Variants in CLN6 observed in about 807,000 individuals in gnomAD.
The protein encoded by CLN6 is ceroid-lipofuscinosis neuronal protein 6.
Under a neutral mutation model 33.3 loss-of-function variants are expected in CLN6, and 22 were observed. That is an observed-to-expected ratio of 0.66 (90% CI 0.47 to 0.94). The LOEUF is 0.94. CLN6 is among the 40% of genes least tolerant of loss of function. CLN6 has a pLI of 0.00. For synonymous variants in CLN6, 201 were observed against 174.6 expected, an observed-to-expected ratio of 1.15 and a Z score of -1.19; for missense variants, 387 against 417.1, an observed-to-expected ratio of 0.93 and a Z score of 0.63.
At chr15:68,216,690 A>G (rs531681007) in intron 2 of CLN6, among the ~76,000 whole-genome samples, 26 of 152,334 alleles carry the variant, frequency 1.7e-4, no homozygotes, top group Admixed American at 1.5e-3. Context: ...AAACTGATTT[A>G]CCCAGTCCCT....
At chr15:68,214,531 C>A in intron 2 of CLN6, 143 bp from the exon 3 acceptor site, 1 of 671,410 alleles carries the variant, frequency 1.5e-6, no homozygotes. Context: ...TTCCTGTGAT[C>A]GCTGGACCTT....
Position 68,255,752 on chromosome 15 carries a change from G to T in CLN6, c.179+938C>A, listed in dbSNP as rs1047127980. Among the ~76,000 whole-genome samples the T allele has an allele frequency of 1.8e-4, 27 of 152,298 alleles. 1 individual carries two copies. Among genetic ancestry groups the T allele is most frequent in the East Asian group, 1.2e-3 (6 of 5,192 alleles). On this transcript the variant is annotated intron_variant, in intron 1 of 6. Transcript: ENST00000538696. ...AGAAACAATATTTTGTATATGTTTG[G>T]TTAAATGAAATACTTCAATTCATTT...
intron 1 of CLN6, among the ~76,000 whole-genome samples, chr15:68,252,186 C>T (rs934779708): frequency 2.6e-5 from 4 of 152,016 alleles, no homozygotes; most frequent in Admixed American, 2.0e-4. Context: ...GTTGGTCTGG[C>T]TCGTTTTGAA....
chr15:68,224,458 C>A (rs1665994743), intron 1 of CLN6, among the ~76,000 whole-genome samples: 1 of 151,222 alleles, frequency 6.6e-6, no homozygotes, highest in Admixed American at 6.6e-5. Flanking sequence ...TCCGTCTCTA[C>A]TAAAAATACA....
intron 1 of CLN6, among the ~76,000 whole-genome samples, chr15:68,224,847 A>G (rs928258999): frequency 3.3e-5 from 5 of 152,162 alleles, no homozygotes; most frequent in Admixed American, 6.5e-5. Flanking sequence ...ATGCTGCTGA[A>G]AACAATGGTG....
chr15:68,235,804 T>C (rs1477198760), intron 1 of CLN6, among the ~76,000 whole-genome samples: 3 of 152,092 alleles, frequency 2.0e-5, no homozygotes, highest in African/African-American at 7.2e-5. Flanking sequence ...AACCCAATTA[T>C]TCATTCAACA....
chr15:68,229,641 G>T lies in CLN6; in HGVS notation c.-57C>A. ...TCCGAGGAAGAGACCGGTTCAGCTCGGCTGCCCCGGCGGAGGCCGCCGCAA... is the reference window on the plus strand; with the variant it reads ...TCCGAGGAAGAGACCGGTTCAGCTCTGCTGCCCCGGCGGAGGCCGCCGCAA... On this transcript the variant is annotated 5_prime_UTR_variant, in exon 1 of 7. Coordinates refer to ENST00000249806, the MANE Select transcript of CLN6 (RefSeq NM_017882.3). 7.4e-7 allele frequency: 1 copy of T among 1,345,184 alleles called. No homozygotes were observed. Among genetic ancestry groups the T allele is most frequent in the Non-Finnish European group, 9.7e-7 (1 of 1,031,092 alleles). The allele number at this position is 1,345,184 out of a possible 1,614,324, so 83.3% of individuals were successfully genotyped here.
chr15:68,255,072 A>T (rs1458414262), intron 1 of CLN6: 9 of 579,126 alleles, frequency 1.6e-5, no homozygotes, highest in African/African-American at 1.3e-4. Flanking sequence ...GGCATATGTC[A>T]CTAACAGAAT....
upstream of CLN6, among the ~76,000 whole-genome samples, chr15:68,233,218 T>C (rs1362934999): frequency 1.4e-5 from 2 of 148,002 alleles, no homozygotes; most frequent in Non-Finnish European, 3.0e-5. The surrounding 1 kb of genome is among the most constrained non-coding windows in gnomAD (Gnocchi z 4.3). Flanking sequence ...AGTGTTAGCA[T>C]ACATGCTGCC....
rs1295764227 is a variant in CLN6, at chr15:68,211,064, T to C, written c.542+199A>G. On this transcript the variant is annotated intron_variant, in intron 5 of 6. Transcript: ENST00000249806. The surrounding 1 kb of genome is among the most constrained non-coding windows in gnomAD (Gnocchi z 5.9). The stretch of plus-strand genomic sequence containing the variant: ...TGGCTGGAAGCCGGGGCCTGGAGCC[T>C]GGGACAGCAGCTGGGTCTCCCGGGC... 6.6e-6 allele frequency among the ~76,000 whole-genome samples: 1 copy of C among 152,158 alleles called. No homozygotes were observed. Among genetic ancestry groups the C allele is most frequent in the Non-Finnish European group, 1.5e-5 (1 of 68,000 alleles).
At chr15:68,234,680 T>C (rs958467282), upstream of CLN6, among the ~76,000 whole-genome samples, 4 of 152,284 alleles carry the variant, frequency 2.6e-5, no homozygotes, top group African/African-American at 9.6e-5. The surrounding 1 kb of genome is among the most constrained non-coding windows in gnomAD (Gnocchi z 4.1). Context: ...CCTCCACTCT[T>C]TTCCTTATCA....
chr15:68,215,726 G>A (rs1436147832), intron 2 of CLN6: 1 of 152,146 alleles, frequency 6.6e-6, no homozygotes, highest in African/African-American at 2.4e-5. Context: ...CCAAAGTGCT[G>A]GAATTACATG....
chr15:68,254,567 C>A (rs1892412902), intron 1 of CLN6: 2 of 508,490 alleles, frequency 3.9e-6, no homozygotes, highest in Admixed American at 6.5e-5. Flanking sequence ...GAGGTGAGAA[C>A]GACCCCAGGA....
rs146011372 is a variant in CLN6, at chr15:68,240,758, C to T, written c.179+15932G>A. On this transcript the variant is annotated intron_variant, in intron 1 of 6. Transcript: ENST00000538696. ...CAGCACTTTGGGAGGCCGAGAGAGG[C>T]GGATCACTTGAGGTTGGGAGTTCGA... Among the ~76,000 whole-genome samples, 242 of 150,544 alleles carry T rather than the reference C, an allele frequency of 1.6e-3. 4 individuals carry two copies. The East Asian group carries it at 0.042, about 26-fold the overall frequency.
chr15:68,211,676 A>C lies in CLN6; in HGVS notation c.485T>G (p.Leu162Arg). ...PIIKNLKPET[L>R]IDSFELLYYY... ...GCAGGGAGCAGGAGGTGGCCTCACC[A>C]GCGTCTCCGGCTTGAGATTCTTGAT... Residue 162 changes from leucine (L) to arginine (R), a missense_variant and splice_region_variant, in exon 4 of 7, where the codon CTG (leucine) becomes CGG (arginine). Physicochemically the swap from Leu to Arg is moderately radical, Grantham distance 102. Coordinates refer to ENST00000249806, the MANE Select transcript of CLN6 (RefSeq NM_017882.3). The surrounding 1 kb of genome is among the most constrained non-coding windows in gnomAD (Gnocchi z 5.9). 5.0e-6 allele frequency: 8 copies of C among 1,613,490 alleles called. No individual in the cohort carries two copies. The highest frequency in any genetic ancestry group is 6.8e-6 in the Non-Finnish European group (8 of 1,179,998).
At chr15:68,245,497 T>G (rs1892321970) in intron 1 of CLN6, among the ~76,000 whole-genome samples, 1 of 151,846 alleles carries the variant, frequency 6.6e-6, no homozygotes, top group African/African-American at 2.4e-5. Flanking sequence ...TCGAGGGAAG[T>G]TGAGGTTGCA....
At chr15:68,239,038 G>A (rs1428535938) in intron 1 of CLN6, among the ~76,000 whole-genome samples, 1 of 152,186 alleles carries the variant, frequency 6.6e-6, no homozygotes, top group African/African-American at 2.4e-5. Flanking sequence ...GAAGGTTCAA[G>A]TATTTGTTCA....
intron 1 of CLN6, among the ~76,000 whole-genome samples, chr15:68,240,234 G>C (rs958090475): frequency 6.6e-6 from 1 of 152,050 alleles, no homozygotes; most frequent in Admixed American, 6.6e-5. Context: ...GAAAGCATAA[G>C]GAAAGAGATA....
At position 68,242,419 on chromosome 15, in the gene CLN6, G is replaced by T. The variant is rs184170577; in HGVS notation, c.179+14271C>A. On this transcript the variant is annotated intron_variant, in intron 1 of 6. Coordinates refer to the CLN6 transcript ENST00000538696. This position sits in a 1 kb window ranked among gnomAD's most constrained non-coding sequence, Gnocchi z 5.0. ...AGAATACAAAGGAATGAAGATTGCC[G>T]ACAAGATATGGGAAATTGCCTCAAA... 2.0e-5 allele frequency among the ~76,000 whole-genome samples: 3 copies of T among 152,164 alleles called. No homozygotes were observed. The highest frequency in any genetic ancestry group is 7.2e-5 in the African/African-American group (3 of 41,526).
Sources: gnomAD v4.1 joint callset for allele counts (sites outside exome capture counted in the v4.1 genomes callset) on GRCh38, gnomAD v4.1.1 for gene constraint, Gnocchi (gnomAD v3.1) non-coding constraint, MANE v1.5 for transcripts, NCBI Gene and HGNC (gene_info 2026-07-23, HGNC 2026-07-21) for gene names.